Variants in COL5A1 observed in about 807,000 individuals in gnomAD.
COL5A1 encodes the protein collagen alpha-1(V) chain.
Under a neutral mutation model 263.7 loss-of-function variants are expected in COL5A1, and 16 were observed. The observed-to-expected ratio is 0.06, with a 90% CI of 0.04 to 0.09. The LOEUF (loss-of-function observed/expected upper bound fraction) is 0.09, where lower values mean the gene tolerates loss of function less well. Ranked by LOEUF, COL5A1 falls within the 10% of genes least tolerant of loss-of-function variation. The probability of loss-of-function intolerance (pLI) is 1.00; values close to 1 mark genes in which losing one functional copy is unlikely to be tolerated. For synonymous variants in COL5A1, 1,012 were observed against 1,004.5 expected (o/e 1.01, Z -0.14); for missense variants, 2,036 against 2,540.5 (o/e 0.80, Z 4.27).
At chr9:134,771,471 G>C (rs531122566) in intron 25 of COL5A1, among the ~76,000 whole-genome samples, 1 of 152,314 alleles carries the variant, frequency 6.6e-6, no homozygotes, top group South Asian at 2.1e-4. Flanking sequence ...CTTCCTCAAA[G>C]CCTCCCTCAA....
chr9:134,673,885 C>T (rs1365263318), intron 1 of COL5A1, among the ~76,000 whole-genome samples: 1 of 152,148 alleles, frequency 6.6e-6, no homozygotes, highest in Non-Finnish European at 1.5e-5. Context: ...GCAAATGACC[C>T]CACTTAAAAC....
intron 53 of COL5A1, among the ~76,000 whole-genome samples, chr9:134,817,354 C>A (rs986613704): frequency 6.6e-6 from 1 of 152,264 alleles, no homozygotes; most frequent in Non-Finnish European, 1.5e-5. Context: ...TGCAAAGGTC[C>A]TTTTCCCCTG....
chr9:134,827,894 G>T (rs563725754), intron 63 of COL5A1, among the ~76,000 whole-genome samples: 3 of 152,274 alleles, frequency 2.0e-5, no homozygotes, highest in South Asian at 4.1e-4. Flanking sequence ...GGCAGATTTG[G>T]AAACGAGAGA....
At chr9:134,839,270 G>C (rs1193971675) in intron 65 of COL5A1, among the ~76,000 whole-genome samples, 1 of 152,194 alleles carries the variant, frequency 6.6e-6, no homozygotes, top group Non-Finnish European at 1.5e-5. Flanking sequence ...CGGCGCCTCT[G>C]GGGGGCCGTT....
At chr9:134,705,886 G>T (rs1456472034) in intron 4 of COL5A1, among the ~76,000 whole-genome samples, 1 of 152,234 alleles carries the variant, frequency 6.6e-6, no homozygotes, top group Non-Finnish European at 1.5e-5. Context: ...GGATGGAGCC[G>T]CTGAGAGGTC....
intron 2 of COL5A1, among the ~76,000 whole-genome samples, chr9:134,692,187 T>C (rs527962051): frequency 2.0e-5 from 3 of 152,288 alleles, no homozygotes; most frequent in African/African-American, 7.2e-5. Flanking sequence ...GTCTCTGCCT[T>C]GCAGCTTGGT....
At chr9:134,766,098 G>A (rs764240938) in intron 21 of COL5A1, among the ~76,000 whole-genome samples, 19 of 152,228 alleles carry the variant, frequency 1.2e-4, no homozygotes, top group Non-Finnish European at 2.4e-4. Context: ...TCTGGAAGGA[G>A]GCTGAAGCCC....
chr9:134,829,278 A>C (rs1433274511), intron 63 of COL5A1, among the ~76,000 whole-genome samples: 3 of 148,634 alleles, frequency 2.0e-5, no homozygotes, highest in African/African-American at 5.0e-5. Context: ...CAGGCTCCTC[A>C]CATGGCCTCC....
chr9:134,667,835 A>T (rs933119311), intron 1 of COL5A1, among the ~76,000 whole-genome samples: 1 of 152,156 alleles, frequency 6.6e-6, no homozygotes, highest in African/African-American at 2.4e-5. Flanking sequence ...CTAGAAAAGG[A>T]GCTGAAATCC....
chr9:134,718,343 C>T (rs1834343422), intron 4 of COL5A1, among the ~76,000 whole-genome samples: 1 of 152,210 alleles, frequency 6.6e-6, no homozygotes, highest in Admixed American at 6.5e-5. Flanking sequence ...ACTTCCAGGG[C>T]ACTTTAATGA....
intron 24 of COL5A1, among the ~76,000 whole-genome samples, chr9:134,767,869 A>G (rs1169631557): frequency 6.6e-6 from 1 of 152,150 alleles, no homozygotes; most frequent in Non-Finnish European, 1.5e-5. Flanking sequence ...ATCAGCAAAA[A>G]CACCTCCAAG....
rs532874510 is a variant in COL5A1, at chr9:134,700,574, T to C, written c.491+452T>C. 4.6e-5 allele frequency among the ~76,000 whole-genome samples: 7 copies of C among 152,280 alleles called. No individual in the cohort carries two copies. The East Asian group carries it at 1.2e-3, about 25-fold the overall frequency. ...ACCTCAACACCAGGGGTTGTCAGTC[T>C]CCTCTTTCGTGGTCAGCACGTGTGA... On this transcript the variant is annotated intron_variant, in intron 3 of 65. Coordinates refer to ENST00000371817, the MANE Select transcript of COL5A1 (RefSeq NM_000093.5). The surrounding 1 kb of genome is among the most constrained non-coding windows in gnomAD (Gnocchi z 4.0).
At chr9:134,738,657 C>A in intron 10 of COL5A1, 89 bp from the exon 11 acceptor site, 1 of 1,472,772 alleles carries the variant, frequency 6.8e-7, no homozygotes, top group South Asian at 1.1e-5. Context: ...CTATCCCACC[C>A]CCACCTCTGC....
In COL5A1 at chr9:134,657,419, G is replaced by T. The variant is rs1431766213; in HGVS notation, c.109+15123G>T. Among the ~76,000 whole-genome samples, 89 of 53,808 alleles carry T rather than the reference G, an allele frequency of 1.7e-3. 2 individuals are homozygous for T. Among genetic ancestry groups the T allele is most frequent in the African/African-American group, 7.9e-3 (84 of 10,656 alleles). The allele number at this position is 53,808 out of a possible 152,430, so 35.3% of individuals were successfully genotyped here. A position where few individuals can be genotyped will look rare whatever the true frequency, so the allele number is the denominator to read the frequency against. On this transcript the variant is annotated intron_variant, in intron 1 of 65. Coordinates refer to ENST00000371817, the MANE Select transcript of COL5A1 (RefSeq NM_000093.5). ...GGGTGTAGTTTATAGATAATATGGGGGTGGGGTGGGGGTGTAGTTTATAGA... is the reference window on the plus strand; with the variant it reads ...GGGTGTAGTTTATAGATAATATGGGTGTGGGGTGGGGGTGTAGTTTATAGA...
chr9:134,701,110 A>T, intron 3 of COL5A1, 61 bp from the exon 4 acceptor site: 1 of 1,584,862 alleles, frequency 6.3e-7, no homozygotes, highest in Non-Finnish European at 8.6e-7. Context: ...AATTTGCAGC[A>T]AAATTGCTTG....
At chr9:134,816,206 G>C (rs891256787) in intron 52 of COL5A1, among the ~76,000 whole-genome samples, 9 of 152,230 alleles carry the variant, frequency 5.9e-5, no homozygotes, top group African/African-American at 2.2e-4. Context: ...CCTCTGAGAT[G>C]CACGTGCTGT....
intron 37 of COL5A1, 73 bp downstream of exon 37, chr9:134,798,534 C>T: frequency 7.0e-7 from 1 of 1,434,314 alleles, no homozygotes; most frequent in Non-Finnish European, 9.8e-7. Context: ...ACAGCCCTCG[C>T]TGCCCAGCGC....
At chr9:134,744,690 T>C (rs1221090986) in intron 11 of COL5A1, among the ~76,000 whole-genome samples, 9 of 148,954 alleles carry the variant, frequency 6.0e-5, no homozygotes, top group Admixed American at 2.7e-4. Flanking sequence ...CACACATGCA[T>C]GCACACACCC....
At chr9:134,732,236 C>A (rs1834914349) in intron 9 of COL5A1, 109 bp downstream of exon 9, 2 of 1,171,656 alleles carry the variant, frequency 1.7e-6, no homozygotes, top group South Asian at 1.2e-5. Flanking sequence ...CCTGCGCGCA[C>A]TGGGTCACTT....
Sources: allele counts gnomAD v4.1 joint callset (sites outside exome capture counted in the v4.1 genomes callset), GRCh38; gene constraint gnomAD v4.1.1; non-coding constraint Gnocchi (gnomAD v3.1); transcripts MANE v1.5; gene names NCBI Gene and HGNC (gene_info 2026-07-23, HGNC 2026-07-21).